Variants in NACC2 observed in about 807,000 individuals in gnomAD.
NACC2 encodes nucleus accumbens-associated protein 2.
A neutral mutation model predicts 25.1 loss-of-function variants in NACC2; 8 were observed. That is an observed-to-expected ratio of 0.32 (90% confidence interval 0.19 to 0.57). The LOEUF (loss-of-function observed/expected upper bound fraction) is 0.57. NACC2 is among the 20% of genes least tolerant of loss of function. The pLI is 0.89. For synonymous variants in NACC2, 435 were observed against 294.7 expected (o/e 1.48, Z -4.88); for missense variants, 644 against 650.2 (o/e 0.99, Z 0.10).
chr9:136,046,431 A>G lies in NACC2; in HGVS notation c.886+3205T>C, dbSNP rs552273925. On this transcript the variant is annotated intron_variant, in intron 2 of 5. Coordinates refer to ENST00000277554, the MANE Select transcript of NACC2 (RefSeq NM_144653.5). Reference sequence around the variant, plus strand: ...GGGGTCTCCCGAGGCTGCCGGCCACAGGGCCAGGAGGAAGGTCCCTGCCTG... The same window carrying G: ...GGGGTCTCCCGAGGCTGCCGGCCACGGGGCCAGGAGGAAGGTCCCTGCCTG... Among the ~76,000 whole-genome samples the G allele has an allele frequency of 9.8e-5, 15 of 152,338 alleles. No homozygotes were observed. The South Asian group carries it at 3.1e-3, about 32-fold the overall frequency.
At chr9:136,034,620 C>T (rs952557704) in intron 2 of NACC2, among the ~76,000 whole-genome samples, 3 of 150,556 alleles carry the variant, frequency 2.0e-5, no homozygotes, top group Non-Finnish European at 2.9e-5. Flanking sequence ...GTCTAGGATG[C>T]GCCTGGAATG....
At chr9:136,016,021 T>TC (rs1840196493) in intron 3 of NACC2, among the ~76,000 whole-genome samples, 1 of 152,118 alleles carries the variant, frequency 6.6e-6, no homozygotes, top group Non-Finnish European at 1.5e-5. Context: ...TTAAAACACA[T>TC]TGTGATTGCA....
At position 136,084,408 on chromosome 9, in the gene NACC2, C is replaced by T. The variant is rs1022934948; in HGVS notation, c.-60+10781G>A. Among the ~76,000 whole-genome samples the T allele has an allele frequency of 3.9e-5, 6 of 152,148 alleles. No individual in the cohort carries two copies. Among genetic ancestry groups the T allele is most frequent in the African/African-American group, 7.2e-5 (3 of 41,412 alleles). ...ACACAGACACCTCCTACGCAATGTC[C>T]GGTCTCCGCTGGTGGGGCAACGTCC... is the stretch of plus-strand genomic sequence containing the variant. On this transcript the variant is annotated intron_variant, in intron 1 of 5. Transcript: ENST00000277554. This position sits in a 1 kb window ranked among gnomAD's most constrained non-coding sequence, Gnocchi z 5.1.
At chr9:136,032,039 G>T (rs1840483124) in intron 2 of NACC2, among the ~76,000 whole-genome samples, 2 of 152,352 alleles carry the variant, frequency 1.3e-5, no homozygotes, top group South Asian at 4.1e-4. Flanking sequence ...CACTGCCCAG[G>T]TTTGACCACA....
intron 2 of NACC2, among the ~76,000 whole-genome samples, chr9:136,036,798 C>G (rs1840561198): frequency 6.6e-6 from 1 of 152,168 alleles, no homozygotes; most frequent in Non-Finnish European, 1.5e-5. Context: ...AGTTTAACTT[C>G]TAGAGGGTAA....
chr9:136,035,507 G>A (rs1444054370), intron 2 of NACC2, among the ~76,000 whole-genome samples: 4 of 152,148 alleles, frequency 2.6e-5, no homozygotes, highest in Non-Finnish European at 5.9e-5. Flanking sequence ...CTAGAATAAA[G>A]AGATGAAAGA....
chr9:136,044,486 C>A (rs1840689452), intron 2 of NACC2, among the ~76,000 whole-genome samples: 1 of 152,182 alleles, frequency 6.6e-6, no homozygotes, highest in Non-Finnish European at 1.5e-5. Context: ...GCCAACGGCA[C>A]TCCCCGGTCT....
intron 2 of NACC2, among the ~76,000 whole-genome samples, chr9:136,044,355 T>C (rs1840687638): frequency 6.6e-6 from 1 of 152,260 alleles, no homozygotes; most frequent in Middle Eastern, 3.4e-3. Context: ...TCTCTATAAA[T>C]AATTACAAAA....
At chr9:136,034,624 TG>T (rs1360060958) in intron 2 of NACC2, among the ~76,000 whole-genome samples, 1 of 151,334 alleles carries the variant, frequency 6.6e-6, no homozygotes, top group Non-Finnish European at 1.5e-5. Flanking sequence ...AGGATGCGCC[TG>T]GAATGTTTTG....
intron 1 of NACC2, among the ~76,000 whole-genome samples, chr9:136,077,642 A>G (rs896104147): frequency 5.9e-5 from 9 of 152,140 alleles, no homozygotes; most frequent in Non-Finnish European, 1.2e-4. Flanking sequence ...GGCCCTTCAC[A>G]GAGGAGAAGG....
intron 3 of NACC2, 126 bp downstream of exon 3, chr9:136,016,139 G>T: frequency 9.8e-7 from 1 of 1,024,308 alleles, no homozygotes; most frequent in Non-Finnish European, 1.4e-6. Context: ...AAGGAAATTA[G>T]AGGAAATTTA....
intron 1 of NACC2, among the ~76,000 whole-genome samples, chr9:136,067,265 C>A (rs1414702064): frequency 2.8e-4 from 18 of 65,428 alleles, no homozygotes; most frequent in Non-Finnish European, 5.3e-4. Flanking sequence ...GAAACTCTGT[C>A]TCAAAAAAAA....
In NACC2 at chr9:136,013,564, G is replaced by A. The variant is rs1006664622; in HGVS notation, c.1158-268C>T. Among the ~76,000 whole-genome samples the A allele has an allele frequency of 5.9e-5, 9 of 152,332 alleles. No homozygotes were observed. Among genetic ancestry groups the A allele is most frequent in the South Asian group, 2.1e-4 (1 of 4,820 alleles). On this transcript the variant is annotated intron_variant, in intron 4 of 5. Coordinates refer to ENST00000277554, the MANE Select transcript of NACC2 (RefSeq NM_144653.5). The surrounding 1 kb of genome is among the most constrained non-coding windows in gnomAD (Gnocchi z 6.6). The stretch of plus-strand genomic sequence containing the variant: ...GACTCCGGGGACGTCTGAGGAAGCC[G>A]CTGTGTCCTCGGGAAGGGTTCTGTT...
At chr9:136,016,568 T>C in intron 2 of NACC2, 139 bp from the exon 3 acceptor site, 1 of 982,412 alleles carries the variant, frequency 1.0e-6, no homozygotes, top group Non-Finnish European at 1.5e-6. Context: ...GGCCACTCTG[T>C]GCCGCTCTCC....
intron 1 of NACC2, among the ~76,000 whole-genome samples, chr9:136,073,421 C>A (rs1468540590): frequency 1.3e-5 from 2 of 148,676 alleles, no homozygotes; most frequent in Non-Finnish European, 3.0e-5. Flanking sequence ...CAGAGCAAGA[C>A]TGTCTCAAAA....
intron 1 of NACC2, among the ~76,000 whole-genome samples, chr9:136,067,814 C>T (rs117022226): frequency 0.037 from 5,682 of 152,274 alleles, 142 homozygotes; most frequent in Non-Finnish European, 0.058. Context: ...AGTCTGGCAA[C>T]AGGGCGAGAC....
At chr9:136,062,581 C>T (rs1194834291) in intron 1 of NACC2, among the ~76,000 whole-genome samples, 1 of 152,194 alleles carries the variant, frequency 6.6e-6, no homozygotes, top group Non-Finnish European at 1.5e-5. Context: ...TACATAATAC[C>T]TGTTCTCTGT....
rs138803627 is a variant in NACC2 at position 136,074,832 on chromosome 9, G to A, written c.-60+20357C>T. Among the ~76,000 whole-genome samples the A allele has an allele frequency of 6.3e-3, 958 of 152,232 alleles. 8 individuals carry two copies. Among genetic ancestry groups the A allele is most frequent in the Admixed American group, 0.015 (225 of 15,274 alleles). On this transcript the variant is annotated intron_variant, in intron 1 of 5. Transcript: ENST00000277554. ...GCTCGGGGATGTATCACTCAGCCTCGGCGTCTACACCTCACACAGAGCGGC... is the reference window on the plus strand; with the variant it reads ...GCTCGGGGATGTATCACTCAGCCTCAGCGTCTACACCTCACACAGAGCGGC...
chr9:136,021,909 A>G (rs771888790), intron 2 of NACC2, among the ~76,000 whole-genome samples: 2 of 152,228 alleles, frequency 1.3e-5, no homozygotes, highest in Non-Finnish European at 1.5e-5. Context: ...GGGACAGAGA[A>G]TCATTTCCAT....
Sources: gnomAD v4.1 joint callset for allele counts (sites outside exome capture counted in the v4.1 genomes callset) on GRCh38, gnomAD v4.1.1 for gene constraint, Gnocchi (gnomAD v3.1) non-coding constraint, MANE v1.5 for transcripts, NCBI Gene and HGNC (gene_info 2026-07-23, HGNC 2026-07-21) for gene names.